GRIP1: variants seen among roughly 807,000 people sequenced by gnomAD.
GRIP1 encodes glutamate receptor interacting protein 1.
In GRIP1, 45 loss-of-function variants were observed where a neutral mutation model predicts 129.9. That is an observed-to-expected ratio of 0.35 (90% CI 0.27 to 0.44). GRIP1 has a LOEUF of 0.44. GRIP1 is among the 20% of genes least tolerant of loss of function. GRIP1 has a pLI of 1.00. For synonymous variants in GRIP1, 530 were observed against 520.8 expected (o/e 1.02, Z -0.24); for missense variants, 1,196 against 1,396.8 (o/e 0.86, Z 2.29).
chr12:66,374,040 T>C (rs992253963), intron 22 of GRIP1, among the ~76,000 whole-genome samples: 2 of 152,218 alleles, frequency 1.3e-5, no homozygotes, highest in Non-Finnish European at 2.9e-5. Context: ...TGCCTAGCAT[T>C]TAAAAACAAG....
intron 1 of GRIP1, among the ~76,000 whole-genome samples, chr12:67,020,133 A>C (rs555909482): frequency 1.4e-3 from 209 of 152,314 alleles, no homozygotes; most frequent in Non-Finnish European, 2.4e-3. Flanking sequence ...CAAATGAATA[A>C]ATGTAGAAAA....
chr12:66,530,448 A>T (rs1167697987), intron 4 of GRIP1, among the ~76,000 whole-genome samples: 1 of 152,226 alleles, frequency 6.6e-6, no homozygotes, highest in Non-Finnish European at 1.5e-5. Flanking sequence ...GATGAAACTT[A>T]GAGGGCAAAA....
At chr12:66,979,249 AAAAAAC>A (rs2135590103) in intron 1 of GRIP1, among the ~76,000 whole-genome samples, 1 of 136,984 alleles carries the variant, frequency 7.3e-6, no homozygotes, top group African/African-American at 2.7e-5. Context: ...AAAAAAAAAA[AAAAAAC>A]AAGCCCGTCA....
chr12:66,442,862 C>T (rs929981595), intron 13 of GRIP1, among the ~76,000 whole-genome samples: 8 of 152,140 alleles, frequency 5.3e-5, no homozygotes, highest in Non-Finnish European at 1.0e-4. Context: ...AATTAACTTT[C>T]TATATGCTGC....
intron 1 of GRIP1, among the ~76,000 whole-genome samples, chr12:66,924,648 C>G (rs1228736417): frequency 6.6e-6 from 1 of 152,122 alleles, no homozygotes; most frequent in African/African-American, 2.4e-5. Flanking sequence ...CAAACGATGC[C>G]TCACTCATAA....
At chr12:66,755,724 A>G (rs867515424) in intron 1 of GRIP1, among the ~76,000 whole-genome samples, 8 of 152,178 alleles carry the variant, frequency 5.3e-5, no homozygotes, top group Non-Finnish European at 1.2e-4. Flanking sequence ...CTGGCAGTCC[A>G]CACTACAGCT....
intron 1 of GRIP1, among the ~76,000 whole-genome samples, chr12:66,768,096 G>C (rs1401880352): frequency 6.6e-6 from 1 of 152,194 alleles, no homozygotes; most frequent in Non-Finnish European, 1.5e-5. Context: ...TATACATCCA[G>C]TGACACTGAT....
chr12:66,495,977 CAT>C (rs947293135), intron 7 of GRIP1, among the ~76,000 whole-genome samples: 2 of 152,148 alleles, frequency 1.3e-5, no homozygotes, highest in Non-Finnish European at 2.9e-5. Flanking sequence ...GGCGGGATTT[CAT>C]ATGAGTGCAG....
chr12:66,696,116 C>G (rs946545199), intron 1 of GRIP1, among the ~76,000 whole-genome samples: 4 of 152,004 alleles, frequency 2.6e-5, no homozygotes, highest in African/African-American at 9.7e-5. Context: ...AGCAAAATTA[C>G]TATTATCTCA....
chr12:66,614,865 T>C (rs766334301), intron 1 of GRIP1, among the ~76,000 whole-genome samples: 8 of 152,156 alleles, frequency 5.3e-5, no homozygotes, highest in Non-Finnish European at 1.2e-4. Flanking sequence ...ACCTTGCTAC[T>C]CCTTCTGCCT....
intron 1 of GRIP1, among the ~76,000 whole-genome samples, chr12:67,057,845 A>G (rs1392464419): frequency 6.6e-6 from 1 of 152,222 alleles, no homozygotes; most frequent in African/African-American, 2.4e-5. Flanking sequence ...CTAAACTTAT[A>G]TTGCCTTGTT....
intron 19 of GRIP1, among the ~76,000 whole-genome samples, chr12:66,382,711 G>A (rs1306362203): frequency 7.2e-5 from 11 of 152,150 alleles, no homozygotes; most frequent in Admixed American, 7.2e-4. Flanking sequence ...TGTCTCTTAA[G>A]TATCAGATAC....
chr12:66,473,947 G>T (rs545432572), intron 7 of GRIP1, among the ~76,000 whole-genome samples: 1 of 151,980 alleles, frequency 6.6e-6, no homozygotes, highest in African/African-American at 2.4e-5. Flanking sequence ...ACAGCTCCTC[G>T]CCAGCAAGGG....
chr12:66,720,974 TC>T (rs1206581787), intron 1 of GRIP1, among the ~76,000 whole-genome samples: 11 of 152,288 alleles, frequency 7.2e-5, no homozygotes, highest in African/African-American at 1.9e-4. Flanking sequence ...TTTGCCCAGA[TC>T]CATCAGAGGA....
intron 7 of GRIP1, among the ~76,000 whole-genome samples, chr12:66,478,470 C>T (rs1050179902): frequency 1.4e-4 from 22 of 152,002 alleles, no homozygotes; most frequent in Non-Finnish European, 2.2e-4. Context: ...GACAGTGTGG[C>T]GATTCCTCAG....
At chr12:66,994,331 A>G (rs1044537449) in intron 1 of GRIP1, among the ~76,000 whole-genome samples, 1 of 152,102 alleles carries the variant, frequency 6.6e-6, no homozygotes, top group South Asian at 2.1e-4. Context: ...CGCAAAGTTG[A>G]TTCAATATCT....
chr12:66,463,393 G>A (rs1019886269), intron 8 of GRIP1, among the ~76,000 whole-genome samples: 3 of 152,082 alleles, frequency 2.0e-5, no homozygotes, highest in African/African-American at 7.2e-5. Flanking sequence ...GCGAGCAAGA[G>A]GAAAGGGAAA....
chr12:66,886,472 C>T (rs1025911081), intron 1 of GRIP1, among the ~76,000 whole-genome samples: 2 of 152,120 alleles, frequency 1.3e-5, no homozygotes, highest in African/African-American at 4.8e-5. Context: ...CAACCTGCCC[C>T]ATCTCTTCTC....
rs1006512663 is a variant in GRIP1, at chr12:66,620,662, CTTTCTT to C, written c.56-23741_56-23736del. On this transcript the variant is annotated intron_variant, in intron 1 of 24. Transcript: ENST00000359742. ...AGCTGCTGATCAGTGCATTCTTTCTCTTTCTTTTTCTTTTTTTTCTTTTTCTTTATT... is the reference window on the plus strand; with the variant it reads ...AGCTGCTGATCAGTGCATTCTTTCTCTTTCTTTTTTTTCTTTTTCTTTATT... Among the ~76,000 whole-genome samples the C allele has an allele frequency of 6.6e-5, 10 of 152,158 alleles. No individual in the cohort carries two copies. In the East Asian group the frequency reaches 1.2e-3, roughly 18 times the overall value.
Sources: allele counts gnomAD v4.1 joint callset (sites outside exome capture counted in the v4.1 genomes callset), GRCh38; gene constraint gnomAD v4.1.1; transcripts MANE v1.5; gene names NCBI Gene and HGNC (gene_info 2026-07-23, HGNC 2026-07-21).